SUMF1: variants seen among roughly 807,000 people sequenced by gnomAD.
The protein encoded by SUMF1 is formylglycine-generating enzyme.
A neutral mutation model predicts 47.6 loss-of-function variants in SUMF1; 48 were observed. The ratio of observed to expected loss-of-function variants is 1.01; its 90% CI spans 0.80 to 1.28. The LOEUF (loss-of-function observed/expected upper bound fraction) is 1.28. Ranked by LOEUF, SUMF1 falls within the 50% of genes most tolerant of loss-of-function variation. The pLI is 0.00. For missense variants in SUMF1, 571 were observed against 485.4 expected (o/e 1.18, Z -1.66); for synonymous variants, 230 against 192.1 (o/e 1.20, Z -1.63).
intron 8 of SUMF1, among the ~76,000 whole-genome samples, chr3:4,346,718 C>G (rs1304259159): frequency 7.0e-6 from 1 of 143,832 alleles, no homozygotes; most frequent in Non-Finnish European, 1.5e-5. Context: ...CAAAAAAACC[C>G]TCAAAAAAAA....
intron 8 of SUMF1, among the ~76,000 whole-genome samples, chr3:4,229,878 T>C (rs1696259785): frequency 1.3e-5 from 2 of 151,850 alleles, no homozygotes; most frequent in South Asian, 4.1e-4. Flanking sequence ...CTGGGCAAGG[T>C]GGCATGCACC....
chr3:4,236,669 G>A (rs764506127), intron 8 of SUMF1, among the ~76,000 whole-genome samples: 2 of 152,086 alleles, frequency 1.3e-5, no homozygotes, highest in Non-Finnish European at 2.9e-5. Context: ...AAAGTACAGA[G>A]TTCTCATATA....
intron 8 of SUMF1, among the ~76,000 whole-genome samples, chr3:4,260,966 A>T (rs1248614213): frequency 6.6e-6 from 1 of 152,160 alleles, no homozygotes; most frequent in Non-Finnish European, 1.5e-5. Flanking sequence ...TAGCCCAGTG[A>T]GAACTGTGTT....
chr3:4,313,406 T>G, intron 8 of SUMF1: 1 of 1,614,004 alleles, frequency 6.2e-7, no homozygotes, highest in Non-Finnish European at 8.5e-7. Context: ...GGAAGATTCC[T>G]TAATCATTCT....
Position 4,172,433 on chromosome 3 carries a change from TAGC to T in SUMF1, c.1015-103691_1015-103689del. On this transcript the variant is annotated intron_variant and NMD_transcript_variant, in intron 8 of 12. Coordinates refer to the SUMF1 transcript ENST00000448413. ...CTAGGACCTAAAATCCACCTGATAATAGCAGCACACTTTTTGAGTCCCAGGCAT... is the reference window on the plus strand; with the variant it reads ...CTAGGACCTAAAATCCACCTGATAATAGCACACTTTTTGAGTCCCAGGCAT... 2.0e-5 allele frequency among the ~76,000 whole-genome samples: 3 copies of T among 152,302 alleles called. No homozygotes were observed. The Middle Eastern group carries it at 0.01, about 518-fold the overall frequency.
At chr3:4,242,805 A>T (rs1267393281) in intron 8 of SUMF1, among the ~76,000 whole-genome samples, 4 of 152,074 alleles carry the variant, frequency 2.6e-5, no homozygotes, top group Non-Finnish European at 5.9e-5. Context: ...GTTAGGGAGG[A>T]TTCCCTCCTT....
chr3:4,211,065 C>T (rs987253018), intron 8 of SUMF1, among the ~76,000 whole-genome samples: 1 of 135,746 alleles, frequency 7.4e-6, no homozygotes, highest in Non-Finnish European at 1.6e-5. Context: ...GTTGCAGGAC[C>T]GTGTGATTGT....
At chr3:4,135,377 T>C (rs766793213) in intron 8 of SUMF1, among the ~76,000 whole-genome samples, 4 of 152,034 alleles carry the variant, frequency 2.6e-5, no homozygotes, top group Non-Finnish European at 4.4e-5. Context: ...AAAAACCACA[T>C]GATTATCTCA....
At chr3:4,290,164 C>A (rs965942954) in intron 8 of SUMF1, among the ~76,000 whole-genome samples, 7 of 152,174 alleles carry the variant, frequency 4.6e-5, no homozygotes, top group Admixed American at 4.6e-4. Context: ...AACACATTCC[C>A]AAGTTTAGCA....
At chr3:4,301,088 T>A (rs1297479909) in intron 8 of SUMF1, among the ~76,000 whole-genome samples, 1 of 152,124 alleles carries the variant, frequency 6.6e-6, no homozygotes, top group Non-Finnish European at 1.5e-5. Flanking sequence ...GCAGGGAACA[T>A]AAGAAATGGC....
At chr3:4,460,625 AGAGT>A (rs1434300726) in intron 1 of SUMF1, among the ~76,000 whole-genome samples, 6 of 128,534 alleles carry the variant, frequency 4.7e-5, no homozygotes, top group Non-Finnish European at 8.2e-5. Context: ...TGTGTGTGTG[AGAGT>A]GTGTGTGTGT....
At chr3:4,189,802 C>T (rs1479776704) in intron 8 of SUMF1, among the ~76,000 whole-genome samples, 2 of 152,248 alleles carry the variant, frequency 1.3e-5, no homozygotes, top group East Asian at 3.9e-4. Flanking sequence ...CTGCTGACAC[C>T]TTTCACATTT....
At chr3:4,356,630 C>T (rs886992523), downstream of SUMF1, among the ~76,000 whole-genome samples, 1 of 151,826 alleles carries the variant, frequency 6.6e-6, no homozygotes, top group Admixed American at 6.6e-5. Flanking sequence ...ATCTAGGCTG[C>T]AAATGCAAAC....
At chr3:4,105,033 T>C (rs1427707140) in intron 8 of SUMF1, among the ~76,000 whole-genome samples, 1 of 152,174 alleles carries the variant, frequency 6.6e-6, no homozygotes, top group East Asian at 1.9e-4. Flanking sequence ...CACAATGGAA[T>C]ATTATTAAGC....
At chr3:4,296,549 G>A (rs1015602126) in intron 8 of SUMF1, among the ~76,000 whole-genome samples, 1 of 152,180 alleles carries the variant, frequency 6.6e-6, no homozygotes, top group African/African-American at 2.4e-5. Flanking sequence ...CAGCAGGCAA[G>A]ATAAGCGTGT....
chr3:4,296,665 C>G (rs1244487047), intron 8 of SUMF1, among the ~76,000 whole-genome samples: 2 of 152,162 alleles, frequency 1.3e-5, no homozygotes, highest in Non-Finnish European at 2.9e-5. Flanking sequence ...TGGGTCCCTC[C>G]CACGACACGT....
intron 8 of SUMF1, among the ~76,000 whole-genome samples, chr3:4,336,441 G>T (rs1452701829): frequency 2.6e-5 from 4 of 152,128 alleles, no homozygotes; most frequent in Admixed American, 2.0e-4. Context: ...AAAAGAGGGA[G>T]TAGAGCAAAT....
intron 8 of SUMF1, among the ~76,000 whole-genome samples, chr3:4,219,435 T>A (rs1398270501): frequency 6.6e-6 from 1 of 152,046 alleles, no homozygotes; most frequent in Non-Finnish European, 1.5e-5. Context: ...TATTGCAGAG[T>A]TCTTTCTGCT....
At chr3:4,305,988 T>C (rs1270206808) in intron 8 of SUMF1, among the ~76,000 whole-genome samples, 2 of 152,242 alleles carry the variant, frequency 1.3e-5, no homozygotes, top group Non-Finnish European at 2.9e-5. Flanking sequence ...AAAAAACCAC[T>C]GTTCTAGTCC....
Sources: gnomAD v4.1 joint callset for allele counts (sites outside exome capture counted in the v4.1 genomes callset) on GRCh38, gnomAD v4.1.1 for gene constraint, MANE v1.5 for transcripts, NCBI Gene and HGNC (gene_info 2026-07-23, HGNC 2026-07-21) for gene names.